LINGO2: variants seen among roughly 807,000 people sequenced by gnomAD.
LINGO2 encodes leucine rich repeat and Ig domain containing 2.
A neutral mutation model predicts 30.6 loss-of-function variants in LINGO2; 14 were observed. That is an observed-to-expected ratio of 0.46 (90% CI 0.30 to 0.72). The LOEUF (loss-of-function observed/expected upper bound fraction) is 0.72. LINGO2 is among the 30% of genes least tolerant of loss of function. The pLI, the probability that LINGO2 is intolerant of heterozygous loss-of-function variation, is 0.07. For missense variants in LINGO2, 729 were observed against 751.7 expected (o/e 0.97, Z 0.35); for synonymous variants, 317 against 288.5 (o/e 1.10, Z -1.00).
chr9:28,682,609 T>C, the LINGO2 span, among the ~76,000 whole-genome samples: 1 of 152,112 alleles, frequency 6.6e-6, no homozygotes. Flanking sequence ...TGTAATTCTG[T>C]AGTCACAAGT....
the LINGO2 span, among the ~76,000 whole-genome samples, chr9:29,087,128 T>C: frequency 1.3e-5 from 2 of 152,084 alleles, no homozygotes; most frequent in Non-Finnish European, 2.9e-5. Context: ...CCACCGGCCC[T>C]GGCCTACCAA....
chr9:28,590,459 GA>G (rs1373353380), intron 1 of LINGO2, among the ~76,000 whole-genome samples: 8 of 148,994 alleles, frequency 5.4e-5, no homozygotes, highest in East Asian at 2.0e-4. Flanking sequence ...AAATTTAAAA[GA>G]AAAAAAAACA....
chr9:28,111,200 C>G (rs3901743), intron 4 of LINGO2, among the ~76,000 whole-genome samples: 64,151 of 151,758 alleles, frequency 0.42, 15,212 homozygotes, highest in East Asian at 0.64. Flanking sequence ...AACACATGCA[C>G]ACAGGGAGGG....
At chr9:28,934,036 A>G in the LINGO2 span, among the ~76,000 whole-genome samples, 1 of 152,212 alleles carries the variant, frequency 6.6e-6, no homozygotes, top group African/African-American at 2.4e-5. Context: ...CATAAGGTAT[A>G]GGGGTGAGGA....
At chr9:28,010,808 T>C (rs1024093810) in intron 5 of LINGO2, among the ~76,000 whole-genome samples, 4 of 152,064 alleles carry the variant, frequency 2.6e-5, no homozygotes, top group Non-Finnish European at 5.9e-5. Flanking sequence ...ATTAAAAAAT[T>C]AGCAGGCCTG....
chr9:28,342,721 A>C (rs1437140561), intron 3 of LINGO2, among the ~76,000 whole-genome samples: 2 of 152,080 alleles, frequency 1.3e-5, no homozygotes. Flanking sequence ...GGAGTAAAAA[A>C]CTTACAAATG....
the LINGO2 span, among the ~76,000 whole-genome samples, chr9:29,123,075 G>T: frequency 6.6e-6 from 1 of 151,992 alleles, no homozygotes; most frequent in East Asian, 1.9e-4. Flanking sequence ...TAATCAGCAA[G>T]CCCTTGTAGT....
rs1827897378 is a variant in LINGO2 at position 28,148,902 on chromosome 9, C to T, written c.-86-136497G>A. ...GACATGCAGCCCAAGGATCCTGCAG[C>T]TCTTGGGTCAAGTAGGTCTTCTCCA... On this transcript the variant is annotated intron_variant, in intron 4 of 5. Transcript: ENST00000379992. This position sits in a 1 kb window ranked among gnomAD's most constrained non-coding sequence, Gnocchi z 5.1. 1 of 1,533,818 alleles carries T rather than the reference C, an allele frequency of 6.5e-7. No individual in the cohort carries two copies. The highest frequency in any genetic ancestry group is 1.4e-5 in the African/African-American group (1 of 73,102).
At chr9:29,179,108 G>A in the LINGO2 span, among the ~76,000 whole-genome samples, 1 of 145,728 alleles carries the variant, frequency 6.9e-6, no homozygotes, top group Non-Finnish European at 1.5e-5. Context: ...AAAGATGCTG[G>A]TCTTTACTTA....
the LINGO2 span, among the ~76,000 whole-genome samples, chr9:28,787,625 C>G: frequency 6.6e-6 from 1 of 152,060 alleles, no homozygotes; most frequent in Non-Finnish European, 1.5e-5. Flanking sequence ...CCCGGTAGTT[C>G]CTTAGTAATC....
intron 1 of LINGO2, among the ~76,000 whole-genome samples, chr9:28,609,156 G>GTTTT (rs397942277): frequency 3.5e-4 from 50 of 141,040 alleles, no homozygotes; most frequent in African/African-American, 8.2e-4. Flanking sequence ...GAGCTAAAGA[G>GTTTT]TTTTTTTTTT....
At chr9:28,999,613 C>T in the LINGO2 span, among the ~76,000 whole-genome samples, 29 of 152,010 alleles carry the variant, frequency 1.9e-4, no homozygotes, top group African/African-American at 6.5e-4. Flanking sequence ...TCTAGGATTG[C>T]TTATCTGGTA....
chr9:29,042,138 G>A, the LINGO2 span, among the ~76,000 whole-genome samples: 1 of 151,856 alleles, frequency 6.6e-6, no homozygotes, highest in Non-Finnish European at 1.5e-5. Flanking sequence ...AGAAAAAAAT[G>A]TGACAACACC....
chr9:28,061,766 A>G (rs992305459), intron 4 of LINGO2, among the ~76,000 whole-genome samples: 26 of 152,104 alleles, frequency 1.7e-4, no homozygotes, highest in Admixed American at 1.4e-3. Flanking sequence ...GCAAAATAGC[A>G]TAGGAAAGTG....
At chr9:28,708,823 CATCATCTATCT>C in the LINGO2 span, among the ~76,000 whole-genome samples, 2 of 141,626 alleles carry the variant, frequency 1.4e-5, no homozygotes, top group East Asian at 2.1e-4. Context: ...ATCATCTATC[CATCATCTATCT>C]ATCATCTACA....
the LINGO2 span, among the ~76,000 whole-genome samples, chr9:29,212,250 C>G: frequency 6.6e-6 from 1 of 151,930 alleles, no homozygotes; most frequent in Admixed American, 6.6e-5. Context: ...GTCCCCCGCC[C>G]CTGCCGCGCG....
chr9:29,161,277 T>C, the LINGO2 span, among the ~76,000 whole-genome samples: 1 of 152,198 alleles, frequency 6.6e-6, no homozygotes, highest in Admixed American at 6.5e-5. Flanking sequence ...CTGAGAGAGC[T>C]GCTGAATAAA....
chr9:28,772,887 T>G, the LINGO2 span, among the ~76,000 whole-genome samples: 1 of 152,190 alleles, frequency 6.6e-6, no homozygotes, highest in South Asian at 2.1e-4. Flanking sequence ...CACACCAGCT[T>G]AATCCAATTT....
At chr9:29,047,995 T>G in the LINGO2 span, among the ~76,000 whole-genome samples, 1 of 151,808 alleles carries the variant, frequency 6.6e-6, no homozygotes. Context: ...GCTGTAATCC[T>G]AGCTACTCAG....
Sources: gnomAD v4.1 joint callset for allele counts (sites outside exome capture counted in the v4.1 genomes callset) on GRCh38, gnomAD v4.1.1 for gene constraint, Gnocchi (gnomAD v3.1) non-coding constraint, MANE v1.5 for transcripts, NCBI Gene and HGNC (gene_info 2026-07-23, HGNC 2026-07-21) for gene names.